The following CLEC4A variants were observed in gnomAD, a reference collection of about 807,000 sequenced individuals.
The protein encoded by CLEC4A is C-type (calcium dependent, carbohydrate-recognition domain) lectin, superfamily member 6.
In CLEC4A, 27 loss-of-function variants were observed where a neutral mutation model predicts 32.7. That is an observed-to-expected ratio of 0.83 (90% confidence interval 0.61 to 1.14). The LOEUF (loss-of-function observed/expected upper bound fraction) is 1.14, where lower values mean the gene tolerates loss of function less well. Among genes scored for constraint, CLEC4A ranks in the 50% most tolerant of loss-of-function variants. The probability of loss-of-function intolerance (pLI) is 0.00; values close to 1 mark genes in which losing one functional copy is unlikely to be tolerated. For missense variants in CLEC4A, 253 were observed against 274.6 expected (o/e 0.92, Z 0.55); for synonymous variants, 89 against 93.7 (o/e 0.95, Z 0.29).
intron 3 of CLEC4A, among the ~76,000 whole-genome samples, chr12:8,131,995 C>T (rs1310230523): frequency 2.0e-5 from 3 of 152,120 alleles, no homozygotes; most frequent in Non-Finnish European, 4.4e-5. Flanking sequence ...TCTCCCTCCC[C>T]GGCTTGCTCC....
At chr12:8,129,718 G>A (rs919746878) in intron 3 of CLEC4A, among the ~76,000 whole-genome samples, 2 of 152,190 alleles carry the variant, frequency 1.3e-5, no homozygotes, top group African/African-American at 4.8e-5. Context: ...TTGAACCCGG[G>A]AGGCAGAGGT....
the CLEC4A span, among the ~76,000 whole-genome samples, chr12:8,103,373 GTTGTTTTTTTTTTTTTT>G: frequency 2.2e-4 from 17 of 78,024 alleles, 2 homozygotes; most frequent in East Asian, 4.4e-3. Context: ...GTTTCTTTCT[GTTGTTTTTTTTTTTTTT>G]TTTTTTTTTT....
At chr12:8,107,996 C>A in the CLEC4A span, among the ~76,000 whole-genome samples, 1 of 152,102 alleles carries the variant, frequency 6.6e-6, no homozygotes, top group Non-Finnish European at 1.5e-5. Flanking sequence ...AATTTGAGAT[C>A]TTTCTAACCT....
the CLEC4A span, among the ~76,000 whole-genome samples, chr12:8,103,511 G>A: frequency 1.3e-5 from 2 of 149,484 alleles, no homozygotes; most frequent in Middle Eastern, 3.2e-3. Context: ...TCAGCCTCCC[G>A]AGTAGCTGGG....
the CLEC4A span, among the ~76,000 whole-genome samples, chr12:8,107,178 C>A: frequency 6.6e-6 from 1 of 152,106 alleles, no homozygotes; most frequent in East Asian, 1.9e-4. Flanking sequence ...GAATTACATT[C>A]ATGGATTTGT....
chr12:8,114,091 G>C, the CLEC4A span, among the ~76,000 whole-genome samples: 1 of 152,154 alleles, frequency 6.6e-6, no homozygotes, highest in East Asian at 1.9e-4. Context: ...CCCGAGGCTG[G>C]TTTCTGTAGC....
At chr12:8,129,151 C>A (rs113412679) in intron 2 of CLEC4A, 113 bp from the exon 3 acceptor site, 9 of 630,912 alleles carry the variant, frequency 1.4e-5, no homozygotes, top group African/African-American at 1.3e-4. Flanking sequence ...CCCTCTACTC[C>A]AGTAATAGGG....
intron 3 of CLEC4A, chr12:8,134,399 C>G (rs772190328): frequency 1.2e-6 from 2 of 1,613,868 alleles, no homozygotes; most frequent in Admixed American, 3.3e-5. Flanking sequence ...GCTTCAGGAG[C>G]TTGGCAAATT....
At chr12:8,103,926 C>G in the CLEC4A span, among the ~76,000 whole-genome samples, 1 of 152,136 alleles carries the variant, frequency 6.6e-6, no homozygotes, top group African/African-American at 2.4e-5. Context: ...TTGTTTTAAG[C>G]TCTTTGAATA....
the CLEC4A span, among the ~76,000 whole-genome samples, chr12:8,116,430 A>G: frequency 1.3e-5 from 2 of 152,134 alleles, no homozygotes; most frequent in Admixed American, 6.5e-5. Context: ...AGGGCCGAGT[A>G]CTGTATTGAC....
At position 8,138,442 on chromosome 12, in the gene CLEC4A, G is replaced by C; in HGVS notation, c.*155G>C. ...GAGAGAATTGGTCTGTACATTGACT[G>C]ATTCACTTTTTCATAAAGTGAGCAT... On this transcript the variant is annotated 3_prime_UTR_variant, in exon 6 of 6. Coordinates refer to ENST00000229332, the MANE Select transcript of CLEC4A (RefSeq NM_016184.4). 1 of 880,900 alleles carries C rather than the reference G, an allele frequency of 1.1e-6. No individual in the cohort carries two copies. Among genetic ancestry groups the C allele is most frequent in the Non-Finnish European group, 1.7e-6 (1 of 589,202 alleles). 54.6% of individuals were successfully genotyped at this position (880,900 alleles called of 1,614,324 possible).
At chr12:8,123,114 C>G (rs570731418), upstream of CLEC4A, among the ~76,000 whole-genome samples, 2 of 152,062 alleles carry the variant, frequency 1.3e-5, no homozygotes, top group African/African-American at 4.8e-5. Context: ...GGTGATGTGG[C>G]GATTAAAAGG....
intron 2 of CLEC4A, among the ~76,000 whole-genome samples, chr12:8,125,914 G>A (rs1006056753): frequency 2.0e-5 from 3 of 152,192 alleles, no homozygotes; most frequent in Non-Finnish European, 4.4e-5. Flanking sequence ...AAATGTGGGT[G>A]TATGTATTTG....
chr12:8,110,774 A>G, the CLEC4A span, among the ~76,000 whole-genome samples: 1 of 152,210 alleles, frequency 6.6e-6, no homozygotes. Flanking sequence ...ATGATAAAGT[A>G]TATGGAACAG....
chr12:8,137,848 C>T (rs1948151069), intron 5 of CLEC4A, among the ~76,000 whole-genome samples: 1 of 151,814 alleles, frequency 6.6e-6, no homozygotes, highest in Non-Finnish European at 1.5e-5. Context: ...GTTGATGGAC[C>T]CATAGGAACA....
chr12:8,113,014 C>T, the CLEC4A span, among the ~76,000 whole-genome samples: 2,028 of 152,052 alleles, frequency 0.013, 47 homozygotes, highest in African/African-American at 0.047. Flanking sequence ...ATGTGCACAA[C>T]GTGCAGGTTT....
At chr12:8,129,706 G>A (rs367786260) in intron 3 of CLEC4A, among the ~76,000 whole-genome samples, 80 of 152,302 alleles carry the variant, frequency 5.3e-4, no homozygotes, top group East Asian at 1.9e-4. Flanking sequence ...CAGGAGAGTC[G>A]CTTGAACCCG....
At chr12:8,109,086 T>C in the CLEC4A span, among the ~76,000 whole-genome samples, 2 of 152,178 alleles carry the variant, frequency 1.3e-5, no homozygotes, top group African/African-American at 2.4e-5. Context: ...TTTTATTTTT[T>C]ATTTTCTTTT....
chr12:8,127,925 G>A (rs1021059505), intron 2 of CLEC4A, among the ~76,000 whole-genome samples: 1 of 152,190 alleles, frequency 6.6e-6, no homozygotes, highest in Non-Finnish European at 1.5e-5. Context: ...GGCATGTTGA[G>A]TTTTATATGG....
Sources: gnomAD v4.1 joint callset for allele counts (sites outside exome capture counted in the v4.1 genomes callset) on GRCh38, gnomAD v4.1.1 for gene constraint, MANE v1.5 for transcripts, NCBI Gene and HGNC (gene_info 2026-07-23, HGNC 2026-07-21) for gene names.